Variants in CRB1 observed in about 807,000 individuals in gnomAD.
CRB1 encodes protein crumbs homolog 1.
Under a neutral mutation model 120.0 loss-of-function variants are expected in CRB1, and 83 were observed. The ratio of observed to expected loss-of-function variants is 0.69; its 90% CI spans 0.58 to 0.83. The LOEUF (loss-of-function observed/expected upper bound fraction) is 0.83. CRB1 is among the 40% of genes least tolerant of loss of function. The probability of loss-of-function intolerance (pLI) is 0.00; values close to 1 mark genes in which losing one functional copy is unlikely to be tolerated. For missense variants in CRB1, 1,699 were observed against 1,687.6 expected (o/e 1.01, Z -0.12); for synonymous variants, 625 against 612.5 (o/e 1.02, Z -0.30).
intron 5 of CRB1, among the ~76,000 whole-genome samples, chr1:197,359,223 C>G (rs1307964545): frequency 2.6e-5 from 4 of 152,202 alleles, no homozygotes; most frequent in African/African-American, 9.7e-5. Context: ...TGCCACCTCT[C>G]TCCTTCCCTG....
intron 4 of CRB1, among the ~76,000 whole-genome samples, chr1:197,353,180 A>G (rs973532614): frequency 6.6e-6 from 1 of 152,206 alleles, no homozygotes; most frequent in Non-Finnish European, 1.5e-5. Flanking sequence ...ATATCTGCCC[A>G]TGATGGAAAG....
At chr1:197,222,417 C>T in the CRB1 span, 1 of 768,230 alleles carries the variant, frequency 1.3e-6, no homozygotes, top group East Asian at 2.4e-5. Flanking sequence ...TGACCTATTT[C>T]ATCGTCCTCG....
chr1:197,239,162 T>C, the CRB1 span, among the ~76,000 whole-genome samples: 6 of 152,290 alleles, frequency 3.9e-5, no homozygotes, highest in East Asian at 1.9e-4. Context: ...ATATCTTCCA[T>C]GCAAGCTTGA....
intron 11 of CRB1, among the ~76,000 whole-genome samples, chr1:197,463,719 A>T (rs977613151): frequency 6.6e-6 from 1 of 152,196 alleles, no homozygotes; most frequent in South Asian, 2.1e-4. Flanking sequence ...AAGAGATGAC[A>T]TCTAAAATGC....
intron 5 of CRB1, among the ~76,000 whole-genome samples, chr1:197,406,572 T>TA (rs1332627363): frequency 7.6e-4 from 115 of 150,946 alleles, no homozygotes; most frequent in African/African-American, 1.5e-3. Flanking sequence ...GAATGATCAA[T>TA]AAAAAAATAA....
At chr1:197,451,220 C>A (rs1053533888) in intron 11 of CRB1, among the ~76,000 whole-genome samples, 16 of 152,132 alleles carry the variant, frequency 1.1e-4, no homozygotes, top group Non-Finnish European at 2.2e-4. Context: ...TCTTAAGCAT[C>A]TGTGATTAGC....
the CRB1 span, among the ~76,000 whole-genome samples, chr1:197,251,070 C>T: frequency 6.3e-3 from 960 of 152,024 alleles, 14 homozygotes; most frequent in African/African-American, 0.022. Context: ...ACTTTCCATA[C>T]TTTATCTTAT....
chr1:197,470,355 G>T (rs569565643), intron 11 of CRB1, among the ~76,000 whole-genome samples: 2 of 152,282 alleles, frequency 1.3e-5, no homozygotes, highest in South Asian at 4.1e-4. Flanking sequence ...TCCCCAAGAA[G>T]ATGACAGCAA....
chr1:197,414,549 A>C (rs964853001), intron 5 of CRB1, among the ~76,000 whole-genome samples: 1 of 152,172 alleles, frequency 6.6e-6, no homozygotes, highest in Non-Finnish European at 1.5e-5. Flanking sequence ...AAATTTTAGG[A>C]AAGTAAAATG....
intron 11 of CRB1, among the ~76,000 whole-genome samples, chr1:197,468,729 C>T (rs929905007): frequency 6.6e-6 from 1 of 152,190 alleles, no homozygotes; most frequent in African/African-American, 2.4e-5. Context: ...TATGTTATGC[C>T]AGGCAGGCCT....
intron 5 of CRB1, among the ~76,000 whole-genome samples, chr1:197,412,112 T>G (rs958240477): frequency 1.3e-5 from 2 of 152,228 alleles, no homozygotes; most frequent in African/African-American, 4.8e-5. Context: ...TTTCTCTCTG[T>G]AAGGAACAGG....
At chr1:197,471,177 G>A (rs1432069682) in intron 11 of CRB1, among the ~76,000 whole-genome samples, 2 of 152,092 alleles carry the variant, frequency 1.3e-5, no homozygotes, top group African/African-American at 4.8e-5. Context: ...TCCCTGGACG[G>A]TCCCATCTCA....
At chr1:197,442,675 AT>A in intron 11 of CRB1, 1 of 614,412 alleles carries the variant, frequency 1.6e-6, no homozygotes, top group Non-Finnish European at 2.5e-6. Flanking sequence ...TAGTACAAAC[AT>A]ATTATCATTC....
At chr1:197,213,062 C>A in the CRB1 span, among the ~76,000 whole-genome samples, 11 of 152,078 alleles carry the variant, frequency 7.2e-5, no homozygotes, top group African/African-American at 2.7e-4. Context: ...TGCAAACAAA[C>A]TTCTAAATAA....
At chr1:197,234,595 T>G in the CRB1 span, among the ~76,000 whole-genome samples, 5 of 152,204 alleles carry the variant, frequency 3.3e-5, no homozygotes, top group African/African-American at 1.2e-4. Flanking sequence ...CCAGAAATAA[T>G]CCACAGTTGA....
intron 5 of CRB1, chr1:197,360,456 GACC>G (rs1168337731): frequency 2.6e-5 from 4 of 152,180 alleles, no homozygotes; most frequent in Non-Finnish European, 5.9e-5. Flanking sequence ...CCACATAGCT[GACC>G]TTGCTCTGTC....
chr1:197,243,237 T>A, the CRB1 span, among the ~76,000 whole-genome samples: 1 of 152,310 alleles, frequency 6.6e-6, no homozygotes, highest in South Asian at 2.1e-4. Context: ...TTGTTTGCTC[T>A]TGCTTCTCTA....
intron 1 of CRB1, among the ~76,000 whole-genome samples, chr1:197,276,310 A>G (rs1482506527): frequency 1.3e-5 from 2 of 151,926 alleles, no homozygotes; most frequent in Non-Finnish European, 1.5e-5. Flanking sequence ...CAACCAATGT[A>G]AAGTTAGTTG....
chr1:197,224,109 A>C, the CRB1 span, among the ~76,000 whole-genome samples: 1 of 148,996 alleles, frequency 6.7e-6, no homozygotes, highest in Non-Finnish European at 1.5e-5. Context: ...ATTCCGAAAA[A>C]ATTTTTCTTT....
Sources: allele counts gnomAD v4.1 joint callset (sites outside exome capture counted in the v4.1 genomes callset), GRCh38; gene constraint gnomAD v4.1.1; transcripts MANE v1.5; gene names NCBI Gene and HGNC (gene_info 2026-07-23, HGNC 2026-07-21).